Variants in SEMA6A observed in about 807,000 individuals in gnomAD.
The protein encoded by SEMA6A is semaphorin 6A.
A neutral mutation model predicts 96.8 loss-of-function variants in SEMA6A; 25 were observed. That is an observed-to-expected ratio of 0.26 (90% CI 0.19 to 0.36). SEMA6A has a LOEUF of 0.36. SEMA6A is among the 10% of genes least tolerant of loss of function. SEMA6A has a pLI of 1.00. For missense variants in SEMA6A, 1,363 were observed against 1,323.1 expected, an observed-to-expected ratio of 1.03 and a Z score of -0.47; for synonymous variants, 612 against 518.0, an observed-to-expected ratio of 1.18 and a Z score of -2.46.
At chr5:116,464,567 G>T (rs1022504758) in intron 18 of SEMA6A, among the ~76,000 whole-genome samples, 2 of 152,106 alleles carry the variant, frequency 1.3e-5, no homozygotes, top group African/African-American at 4.8e-5. Flanking sequence ...TGCTACTCAC[G>T]GTGTAGAAGG....
At chr5:116,480,539 A>C (rs1440091263) in intron 11 of SEMA6A, among the ~76,000 whole-genome samples, 3 of 152,116 alleles carry the variant, frequency 2.0e-5, no homozygotes, top group African/African-American at 7.2e-5. Context: ...AAGCACAAAC[A>C]AACCTCAGTA....
chr5:116,489,675 A>G (rs186416788), intron 7 of SEMA6A, among the ~76,000 whole-genome samples: 12 of 152,230 alleles, frequency 7.9e-5, no homozygotes, highest in African/African-American at 2.9e-4. Context: ...AAAGCCAAGA[A>G]GAAAGGGGAA....
intron 11 of SEMA6A, among the ~76,000 whole-genome samples, chr5:116,481,380 G>C (rs938113265): frequency 6.6e-6 from 1 of 152,162 alleles, no homozygotes; most frequent in Admixed American, 6.5e-5. Flanking sequence ...CTATCTGTCT[G>C]AGGTTGCTGG....
In SEMA6A at chr5:116,518,568, C is replaced by T. The variant is rs1182632943; in HGVS notation, c.-38-13586G>A. Among the ~76,000 whole-genome samples, 3 of 152,098 alleles carry T rather than the reference C, an allele frequency of 2.0e-5. No homozygotes were observed. The East Asian group carries it at 5.8e-4, about 29-fold the overall frequency. ...CCAAACTAAAGTGCTGAGGGTCAGACAAAAGAGAGGTGATAAATCAGAGAG... is the reference window on the plus strand; with the variant it reads ...CCAAACTAAAGTGCTGAGGGTCAGATAAAAGAGAGGTGATAAATCAGAGAG... On this transcript the variant is annotated intron_variant, in intron 1 of 18. Coordinates refer to ENST00000343348, the MANE Select transcript of SEMA6A (RefSeq NM_020796.5).
chr5:116,470,996 CTGGGTTTA>C (rs1161921646), intron 17 of SEMA6A, among the ~76,000 whole-genome samples: 17 of 152,196 alleles, frequency 1.1e-4, no homozygotes, highest in African/African-American at 4.1e-4. Flanking sequence ...GAAATCTATT[CTGGGTTTA>C]TTAACTCCAA....
chr5:116,551,253 G>A (rs1468876713), intron 1 of SEMA6A, among the ~76,000 whole-genome samples: 2 of 148,638 alleles, frequency 1.3e-5, no homozygotes, highest in Admixed American at 6.8e-5. Context: ...GATAACGTAG[G>A]CAATAACAGC....
intron 1 of SEMA6A, among the ~76,000 whole-genome samples, chr5:116,551,702 T>C (rs1291393713): frequency 6.6e-6 from 1 of 152,160 alleles, no homozygotes; most frequent in East Asian, 1.9e-4. Flanking sequence ...GGACATCTTT[T>C]CATTCCCACC....
At chr5:116,505,853 C>G (rs536539566) in intron 1 of SEMA6A, among the ~76,000 whole-genome samples, 3 of 144,148 alleles carry the variant, frequency 2.1e-5, no homozygotes, top group Admixed American at 7.3e-5. Flanking sequence ...TAAAAACAAT[C>G]CCATGTGGGA....
intron 16 of SEMA6A, 99 bp downstream of exon 16, chr5:116,475,446 G>T: frequency 2.7e-6 from 2 of 729,862 alleles, no homozygotes; most frequent in Non-Finnish European, 2.3e-6. Flanking sequence ...ATGCTTTAGT[G>T]TCAGCTGCAC....
intron 1 of SEMA6A, among the ~76,000 whole-genome samples, chr5:116,544,287 T>C (rs1760094898): frequency 2.7e-5 from 4 of 150,100 alleles, no homozygotes; most frequent in Admixed American, 1.3e-4. Flanking sequence ...TTGAGGTTTT[T>C]TGTTTGTTTG....
At chr5:116,528,927 T>G (rs1278063118) in intron 1 of SEMA6A, among the ~76,000 whole-genome samples, 1 of 152,146 alleles carries the variant, frequency 6.6e-6, no homozygotes, top group East Asian at 1.9e-4. Flanking sequence ...ACTTTGACTG[T>G]GAAACACATG....
intron 1 of SEMA6A, among the ~76,000 whole-genome samples, chr5:116,569,124 T>C (rs1561541717): frequency 6.6e-6 from 1 of 152,090 alleles, no homozygotes; most frequent in Admixed American, 6.5e-5. Context: ...GGACAACATA[T>C]AGTTTGTCAG....
intron 1 of SEMA6A, among the ~76,000 whole-genome samples, chr5:116,540,615 AGTTTGGCCCCACATGT>A (rs1446538873): frequency 2.0e-5 from 3 of 152,178 alleles, no homozygotes; most frequent in Non-Finnish European, 2.9e-5. Flanking sequence ...CTGGGGGCAG[AGTTTGGCCCCACATGT>A]CCCTGTTTGC....
chr5:116,474,870 T>G (rs1561481023), intron 16 of SEMA6A, among the ~76,000 whole-genome samples: 1 of 151,782 alleles, frequency 6.6e-6, no homozygotes, highest in South Asian at 2.1e-4. Flanking sequence ...TAAAGCATTT[T>G]CAGGAGAATA....
At chr5:116,517,974 C>T (rs1758746784) in intron 1 of SEMA6A, among the ~76,000 whole-genome samples, 1 of 152,194 alleles carries the variant, frequency 6.6e-6, no homozygotes, top group Non-Finnish European at 1.5e-5. Flanking sequence ...CGGCATTTTC[C>T]AATCCCTGGC....
rs1158646345 is a variant in SEMA6A at position 116,475,563 on chromosome 5, C to T, written c.1690G>A (p.Gly564Ser). Residue 564 changes from glycine (G) to serine (S), a missense_variant, in exon 16 of 19, where the codon GGT becomes AGT. By Grantham distance (56) the Gly-to-Ser change is moderately conservative. Around this residue, in one of 2 missense-constraint regions of SEMA6A, gnomAD observed 883 missense variants for 763.6 expected, o/e 1.16. Coordinates refer to ENST00000343348, the MANE Select transcript of SEMA6A (RefSeq NM_020796.5). Reference sequence around the variant, plus strand: ...TACTTACTGTGACAGTCCCCCAGACCATCTGTATTGCCACGCTCTATGTCC... The same window carrying T: ...TACTTACTGTGACAGTCCCCCAGACTATCTGTATTGCCACGCTCTATGTCC... ...EQDIERGNTD[G>S]LGDCHNSFVA... 8.7e-6 allele frequency: 14 copies of T among 1,603,490 alleles called. No individual in the cohort carries two copies. The highest frequency in any genetic ancestry group is 1.2e-5 in the Non-Finnish European group (14 of 1,174,874).
At chr5:116,510,251 T>C (rs925814055) in intron 1 of SEMA6A, among the ~76,000 whole-genome samples, 1 of 152,172 alleles carries the variant, frequency 6.6e-6, no homozygotes, top group Non-Finnish European at 1.5e-5. Flanking sequence ...TAGACTTCAG[T>C]TGAGTTTTAC....
chr5:116,502,243 A>G lies in SEMA6A; in HGVS notation c.185T>C (p.Met62Thr), dbSNP rs1254307967. 2 of 1,613,968 alleles carry G rather than the reference A, an allele frequency of 1.2e-6. No homozygotes were observed. The highest frequency in any genetic ancestry group is 4.5e-5 in the East Asian group (2 of 44,876). Residue 62 changes from methionine (M) to threonine (T), a missense_variant, in exon 3 of 19, where the codon ATG becomes ACG. This residue lies in a region of SEMA6A where 480 missense variants were observed against 559.5 expected (regional missense o/e 0.86). Transcript: ENST00000343348. The part of the protein sequence containing the change: ...QRHRLDIQMI[M>T]IMNGTLYIAA... ...AATGTAGAGGGTTCCGTTCATGATC[A>G]TAATCATCTGGATGTCCAGCCTGTG...
intron 18 of SEMA6A, among the ~76,000 whole-genome samples, chr5:116,463,725 G>C (rs1755556585): frequency 6.6e-6 from 1 of 152,058 alleles, no homozygotes; most frequent in African/African-American, 2.4e-5. Context: ...CTACAACTCT[G>C]GCATTTCTGA....
Sources: gnomAD v4.1 joint callset for allele counts (sites outside exome capture counted in the v4.1 genomes callset) on GRCh38, gnomAD v4.1.1 for gene constraint, gnomAD v4.1.1 regional missense constraint, MANE v1.5 for transcripts, NCBI Gene and HGNC (gene_info 2026-07-23, HGNC 2026-07-21) for gene names.